Variants in NSD2 observed in about 807,000 individuals in gnomAD.
The protein encoded by NSD2 is nuclear receptor binding SET domain protein 2.
A neutral mutation model predicts 139.0 loss-of-function variants in NSD2; 12 were observed. The ratio of observed to expected loss-of-function variants is 0.09; its 90% CI spans 0.06 to 0.14. The LOEUF (loss-of-function observed/expected upper bound fraction) is 0.14. Ranked by LOEUF, NSD2 falls within the 10% of genes least tolerant of loss-of-function variation. NSD2 has a pLI of 1.00. For missense variants in NSD2, 1,155 were observed against 1,745.0 expected (o/e 0.66, Z 6.02); for synonymous variants, 669 against 648.7 (o/e 1.03, Z -0.48).
At chr4:1,939,917 T>A in intron 9 of NSD2, 139 bp downstream of exon 9, 1 of 1,523,836 alleles carries the variant, frequency 6.6e-7, no homozygotes, top group Non-Finnish European at 8.8e-7. Context: ...TAGGGCCTCT[T>A]GGCTAACTCA....
At chr4:1,899,127 T>TA (rs1716822954) in intron 1 of NSD2, 1 of 152,254 alleles carries the variant, frequency 6.6e-6, no homozygotes, top group Non-Finnish European at 1.5e-5. Flanking sequence ...GTTTTGGTGT[T>TA]AAAGAGTTGT....
intron 20 of NSD2, among the ~76,000 whole-genome samples, chr4:1,975,948 G>A (rs189130731): frequency 7.0e-4 from 107 of 152,272 alleles, no homozygotes; most frequent in Non-Finnish European, 1.2e-3. Context: ...GATTTGGGGG[G>A]GCACTCTTGC....
rs1340342818 is a variant in NSD2 at position 1,976,329 on chromosome 4, CGAG to C, written c.3622-140_3622-138del. 4 of 829,658 alleles carry C rather than the reference CGAG, an allele frequency of 4.8e-6. No individual in the cohort carries two copies. Among genetic ancestry groups the C allele is most frequent in the South Asian group, 3.5e-5 (2 of 56,598 alleles). 51.4% of individuals were successfully genotyped at this position (829,658 alleles called of 1,614,324 possible). On this transcript the variant is annotated intron_variant, in intron 20 of 21. Coordinates refer to ENST00000508803, the MANE Select transcript of NSD2 (RefSeq NM_001042424.3). The surrounding 1 kb of genome is among the most constrained non-coding windows in gnomAD (Gnocchi z 5.3). ...TGAGTCTAAGGATGTCTGGGGAGCA[CGAG>C]GAGGACACTCCTCTCCTCTCCTCTT...
Position 1,979,370 on chromosome 4 carries a change from G to T in NSD2, c.*461G>T, listed in dbSNP as rs768622257. The T allele has an allele frequency of 4.2e-6, 1 of 237,308 alleles. No individual in the cohort carries two copies. The highest frequency in any genetic ancestry group is 8.3e-6 in the Non-Finnish European group (1 of 121,048). The allele number at this position is 237,308 out of a possible 1,614,324, so 14.7% of individuals were successfully genotyped here. A position where few individuals can be genotyped will look rare whatever the true frequency, so the allele number is the denominator to read the frequency against. On this transcript the variant is annotated 3_prime_UTR_variant, in exon 22 of 22. Coordinates refer to ENST00000508803, the MANE Select transcript of NSD2 (RefSeq NM_001042424.3). ...GAGAGGCTGGGTGAGGCCCGTGTGA[G>T]GACTGACCCTGGATTCCTCGAAACT... is the stretch of plus-strand genomic sequence containing the variant.
At chr4:1,917,372 A>G (rs1719531815) in intron 4 of NSD2, among the ~76,000 whole-genome samples, 1 of 152,258 alleles carries the variant, frequency 6.6e-6, no homozygotes, top group South Asian at 2.1e-4. Flanking sequence ...GTTTAAAGAA[A>G]CAATAAAGGT....
chr4:1,898,546 C>T (rs1716700764), intron 1 of NSD2, among the ~76,000 whole-genome samples: 1 of 151,704 alleles, frequency 6.6e-6, no homozygotes, highest in South Asian at 2.1e-4. Context: ...CGCCTGTAGT[C>T]CCAGCTACTC....
chr4:1,961,325 G>A (rs527691008), intron 18 of NSD2, among the ~76,000 whole-genome samples, 174 bp downstream of exon 18: 4 of 152,254 alleles, frequency 2.6e-5, no homozygotes, highest in Admixed American at 6.5e-5. Context: ...CAGCTGCGCC[G>A]GAGGGCTAGA....
chr4:1,936,599 C>T (rs936321319), intron 7 of NSD2, among the ~76,000 whole-genome samples: 7 of 138,658 alleles, frequency 5.0e-5, no homozygotes, highest in Admixed American at 8.1e-5. Flanking sequence ...ACCTGGGAGG[C>T]GGAGGTTGCA....
At chr4:1,964,068 G>A (rs569329911) in intron 18 of NSD2, among the ~76,000 whole-genome samples, 15 of 152,256 alleles carry the variant, frequency 9.9e-5, no homozygotes, top group Admixed American at 9.2e-4. Context: ...GGTGACCCTC[G>A]TGAGCAGACC....
chr4:1,965,717 C>A (rs548602396), intron 18 of NSD2, among the ~76,000 whole-genome samples: 44 of 152,168 alleles, frequency 2.9e-4, no homozygotes, highest in Non-Finnish European at 5.7e-4. Flanking sequence ...ACAGGGGAGG[C>A]CTCAAGAAAC....
chr4:1,941,829 A>G, intron 9 of NSD2: 3 of 1,054,608 alleles, frequency 2.8e-6, no homozygotes, highest in African/African-American at 1.7e-5. Context: ...TCTATTATAT[A>G]TTAACGCGAC....
chr4:1,964,855 A>C (rs1445421326), intron 18 of NSD2, among the ~76,000 whole-genome samples: 3 of 152,148 alleles, frequency 2.0e-5, no homozygotes, highest in Non-Finnish European at 4.4e-5. Context: ...TGCTCAGGGA[A>C]AGGTACAGCT....
chr4:1,977,450 A>G (rs1727212402), intron 21 of NSD2, among the ~76,000 whole-genome samples: 1 of 152,232 alleles, frequency 6.6e-6, no homozygotes, highest in Non-Finnish European at 1.5e-5. Context: ...GAATCACAGA[A>G]GAAAAATTAA....
At chr4:1,872,415 G>T (rs1470679183) in intron 1 of NSD2, among the ~76,000 whole-genome samples, 1 of 152,136 alleles carries the variant, frequency 6.6e-6, no homozygotes, top group Non-Finnish European at 1.5e-5. Context: ...CTTAAGTTTC[G>T]GTAGAAATAA....
chr4:1,965,475 A>G (rs371818221), intron 18 of NSD2, among the ~76,000 whole-genome samples: 35 of 152,342 alleles, frequency 2.3e-4, no homozygotes, highest in African/African-American at 7.5e-4. Flanking sequence ...AATGGCTGAA[A>G]AATTCCCAGG....
At position 1,972,412 on chromosome 4, in the gene NSD2, A is replaced by G. The variant is rs959019252; in HGVS notation, c.3373-2451A>G. On this transcript the variant is annotated intron_variant, in intron 18 of 21. Coordinates refer to ENST00000508803, the MANE Select transcript of NSD2 (RefSeq NM_001042424.3). The surrounding 1 kb of genome is among the most constrained non-coding windows in gnomAD (Gnocchi z 4.0). Reference sequence around the variant, plus strand: ...TAAATATACCTGGACAGGCAATTTCAAAGTCCATGTAGAAGGAAAGATCTG... The same window carrying G: ...TAAATATACCTGGACAGGCAATTTCGAAGTCCATGTAGAAGGAAAGATCTG... 3.9e-5 allele frequency among the ~76,000 whole-genome samples: 6 copies of G among 152,258 alleles called. No individual in the cohort carries two copies. The East Asian group carries it at 1.2e-3, about 29-fold the overall frequency.
At chr4:1,920,757 A>AGT (rs1720009447) in intron 5 of NSD2, among the ~76,000 whole-genome samples, 2 of 150,980 alleles carry the variant, frequency 1.3e-5, no homozygotes, top group African/African-American at 2.4e-5. Context: ...AGAAAGGCCG[A>AGT]GTGTGGCAGC....
chr4:1,918,186 G>A lies in NSD2; in HGVS notation c.973G>A (p.Gly325Ser). ...GAAATTGAGGGCCCAGTGGGAAATG[G>A]GCATTGTTCAAGCAGAAGAAGCTGC... ...SGKLRAQWEM[G>S]IVQAEEAASM... is the part of the protein sequence containing the mutation. Residue 325 changes from glycine (G) to serine (S), a missense_variant, in exon 5 of 22, where the codon GGC (glycine) becomes AGC (serine). Around this residue, in one of 8 missense-constraint regions of NSD2, gnomAD observed 420 missense variants for 469.0 expected, o/e 0.90. Transcript: ENST00000508803. The A allele has an allele frequency of 6.2e-7, 1 of 1,613,286 alleles. No individual in the cohort carries two copies. The highest frequency in any genetic ancestry group is 8.5e-7 in the Non-Finnish European group (1 of 1,179,912).
intron 16 of NSD2, among the ~76,000 whole-genome samples, chr4:1,959,155 G>A (rs1461147619): frequency 6.6e-6 from 1 of 152,208 alleles, no homozygotes; most frequent in Admixed American, 6.5e-5. Context: ...CAATCAACAC[G>A]CTTTTTCTCT....
Sources: gnomAD v4.1 joint callset for allele counts (sites outside exome capture counted in the v4.1 genomes callset) on GRCh38, gnomAD v4.1.1 for gene constraint, gnomAD v4.1.1 regional missense constraint, Gnocchi (gnomAD v3.1) non-coding constraint, MANE v1.5 for transcripts, NCBI Gene and HGNC (gene_info 2026-07-23, HGNC 2026-07-21) for gene names.